LRP1B: variants seen among roughly 807,000 people sequenced by gnomAD.
The protein encoded by LRP1B is LDL receptor related protein 1B.
In LRP1B, 217 loss-of-function variants were observed where a neutral mutation model predicts 556.6. That is an observed-to-expected ratio of 0.39 (90% CI 0.35 to 0.44). LRP1B has a LOEUF of 0.44. Ranked by LOEUF, LRP1B falls within the 20% of genes least tolerant of loss-of-function variation. LRP1B has a pLI of 1.00. For synonymous variants in LRP1B, 2,047 were observed against 1,865.8 expected (o/e 1.10, Z -2.50); for missense variants, 5,053 against 5,620.8 (o/e 0.90, Z 3.23).
intron 1 of LRP1B, among the ~76,000 whole-genome samples, chr2:141,994,278 G>T (rs976365623): frequency 6.6e-5 from 10 of 152,134 alleles, no homozygotes; most frequent in African/African-American, 1.9e-4. Flanking sequence ...GGCTGATTTT[G>T]TTAATGGCCT....
At position 141,039,318 on chromosome 2, in the gene LRP1B, G is replaced by A. The variant is rs572270249; in HGVS notation, c.1789+9668C>T. On this transcript the variant is annotated intron_variant, in intron 11 of 90. Coordinates refer to ENST00000389484, the MANE Select transcript of LRP1B (RefSeq NM_018557.3). ...TTTATTATAGCATGTTGTTATAATT[G>A]TTCTATTTTATTATCATTATTGTTG... Among the ~76,000 whole-genome samples, 3 of 151,828 alleles carry A rather than the reference G, an allele frequency of 2.0e-5. No homozygotes were observed. The South Asian group carries it at 6.2e-4, about 32-fold the overall frequency.
intron 2 of LRP1B, among the ~76,000 whole-genome samples, chr2:141,689,443 G>A (rs534401075): frequency 2.0e-5 from 3 of 151,744 alleles, no homozygotes; most frequent in African/African-American, 7.2e-5. Context: ...CTATAATAAG[G>A]AGAAAAACAA....
At chr2:140,977,902 C>T (rs944147014) in intron 18 of LRP1B, among the ~76,000 whole-genome samples, 1 of 152,070 alleles carries the variant, frequency 6.6e-6, no homozygotes, top group Non-Finnish European at 1.5e-5. Flanking sequence ...TTAAAGTTCC[C>T]CTGGTAATTA....
chr2:140,706,291 T>C (rs1455392817), intron 37 of LRP1B, among the ~76,000 whole-genome samples: 2 of 152,170 alleles, frequency 1.3e-5, no homozygotes, highest in Admixed American at 1.3e-4. Flanking sequence ...CACTATATGA[T>C]ATAGCCAAGA....
intron 2 of LRP1B, among the ~76,000 whole-genome samples, chr2:141,526,682 T>C (rs1684702776): frequency 1.3e-5 from 2 of 152,006 alleles, no homozygotes; most frequent in Admixed American, 6.6e-5. Flanking sequence ...ATAAACCTAC[T>C]AGGAGTATTT....
intron 35 of LRP1B, among the ~76,000 whole-genome samples, chr2:140,763,049 C>A (rs751561803): frequency 6.6e-6 from 1 of 152,020 alleles, no homozygotes; most frequent in Non-Finnish European, 1.5e-5. Context: ...CTCTAAGTAT[C>A]AGAGTATGGA....
At chr2:140,524,362 C>T (rs1690327176) in intron 49 of LRP1B, among the ~76,000 whole-genome samples, 1 of 151,928 alleles carries the variant, frequency 6.6e-6, no homozygotes, top group Non-Finnish European at 1.5e-5. Context: ...AACACTTATA[C>T]ACTGTTGATC....
chr2:141,085,300 T>C (rs959482226), intron 7 of LRP1B, among the ~76,000 whole-genome samples: 2 of 152,250 alleles, frequency 1.3e-5, no homozygotes, highest in African/African-American at 4.8e-5. Context: ...TAACCTCTTA[T>C]AGACTGAACT....
intron 1 of LRP1B, among the ~76,000 whole-genome samples, chr2:142,028,581 A>G (rs1179017440): frequency 6.6e-6 from 1 of 152,010 alleles, no homozygotes; most frequent in African/African-American, 2.4e-5. Context: ...CAGTTGATGG[A>G]CATTTGGGAC....
At chr2:141,009,062 A>G (rs924534588) in intron 14 of LRP1B, among the ~76,000 whole-genome samples, 9 of 151,990 alleles carry the variant, frequency 5.9e-5, no homozygotes. Flanking sequence ...ATTTTCTTCA[A>G]AATGGTGGAA....
At chr2:141,018,745 A>C (rs1214097917) in intron 12 of LRP1B, among the ~76,000 whole-genome samples, 1 of 152,136 alleles carries the variant, frequency 6.6e-6, no homozygotes, top group Non-Finnish European at 1.5e-5. Context: ...ACTCTCTTCA[A>C]AAACTAAGGC....
chr2:140,735,299 A>G (rs952323153), intron 35 of LRP1B, among the ~76,000 whole-genome samples: 1 of 152,208 alleles, frequency 6.6e-6, no homozygotes, highest in East Asian at 1.9e-4. Flanking sequence ...AAGACAGCAG[A>G]GTGGGATGAT....
At chr2:141,375,711 G>C (rs1277882346) in intron 3 of LRP1B, among the ~76,000 whole-genome samples, 1 of 152,116 alleles carries the variant, frequency 6.6e-6, no homozygotes, top group Non-Finnish European at 1.5e-5. Flanking sequence ...ATTGCACTTT[G>C]GTCCTGGGAC....
rs113337442 is a variant in LRP1B, at chr2:140,553,980, G to A, written c.7195-12009C>T. ...GGAAAGAGAGCCAGTTTTTCTATGG[G>A]GAAGCCCCTGGAGGAAGAAACAGAA... is the stretch of plus-strand genomic sequence containing the variant. On this transcript the variant is annotated intron_variant, in intron 43 of 90. Transcript: ENST00000389484. Among the ~76,000 whole-genome samples the A allele has an allele frequency of 6.4e-3, 971 of 152,084 alleles. 12 individuals carry two copies. Among genetic ancestry groups the A allele is most frequent in the African/African-American group, 0.022 (932 of 41,514 alleles).
At chr2:140,493,850 C>G (rs1055213560) in intron 56 of LRP1B, among the ~76,000 whole-genome samples, 3 of 151,804 alleles carry the variant, frequency 2.0e-5, no homozygotes, top group African/African-American at 7.3e-5. Flanking sequence ...TTAAATACCC[C>G]CTTCTATCAT....
chr2:141,869,177 GTTC>G (rs1348038271), intron 1 of LRP1B, among the ~76,000 whole-genome samples: 7 of 152,174 alleles, frequency 4.6e-5, no homozygotes, highest in Admixed American at 1.3e-4. Context: ...TGATGAAAAT[GTTC>G]TTTATCTGTA....
chr2:141,006,563 G>A (rs1052134237), intron 14 of LRP1B, among the ~76,000 whole-genome samples: 6 of 151,916 alleles, frequency 3.9e-5, no homozygotes, highest in Non-Finnish European at 7.4e-5. Flanking sequence ...ATCATTGTGC[G>A]AACATCATAA....
intron 77 of LRP1B, among the ~76,000 whole-genome samples, chr2:140,339,644 T>G (rs1385936957): frequency 6.6e-6 from 1 of 151,706 alleles, no homozygotes; most frequent in Non-Finnish European, 1.5e-5. Context: ...CCTCAAAATA[T>G]GAATCGGATT....
chr2:140,568,217 T>G (rs1438539308), intron 43 of LRP1B, among the ~76,000 whole-genome samples: 1 of 91,264 alleles, frequency 1.1e-5, no homozygotes, highest in African/African-American at 4.0e-5. Flanking sequence ...AAAAAAAAAA[T>G]ACAGGTAAAC....
Sources: gnomAD v4.1 joint callset for allele counts (sites outside exome capture counted in the v4.1 genomes callset) on GRCh38, gnomAD v4.1.1 for gene constraint, MANE v1.5 for transcripts, NCBI Gene and HGNC (gene_info 2026-07-23, HGNC 2026-07-21) for gene names.